CDH3: variants seen among roughly 807,000 people sequenced by gnomAD.
CDH3 encodes cadherin-3.
Under a neutral mutation model 82.0 loss-of-function variants are expected in CDH3, and 54 were observed. The observed-to-expected ratio is 0.66, with a 90% confidence interval of 0.53 to 0.83. The LOEUF (loss-of-function observed/expected upper bound fraction) is 0.83, where lower values mean the gene tolerates loss of function less well. Ranked by LOEUF, CDH3 falls within the 40% of genes least tolerant of loss-of-function variation. The pLI, the probability that CDH3 is intolerant of heterozygous loss-of-function variation, is 0.00. For missense variants in CDH3, 1,054 were observed against 1,084.6 expected, an observed-to-expected ratio of 0.97 and a Z score of 0.40; for synonymous variants, 446 against 437.9, an observed-to-expected ratio of 1.02 and a Z score of -0.23.
At chr16:68,731,945 T>G (rs951255434), downstream of CDH3, among the ~76,000 whole-genome samples, 4 of 152,238 alleles carry the variant, frequency 2.6e-5, no homozygotes, top group East Asian at 7.7e-4. Context: ...CTTTAAAAAT[T>G]GCAAAAAACT....
chr16:68,684,906 T>G (rs2152102758), intron 10 of CDH3, 82 bp downstream of exon 10: 3 of 1,534,702 alleles, frequency 2.0e-6, no homozygotes, highest in Non-Finnish European at 2.7e-6. Context: ...TTGTTCTGAT[T>G]ACCATAGAGA....
intron 1 of CDH3, among the ~76,000 whole-genome samples, chr16:68,708,101 G>T (rs1451899056): frequency 1.3e-5 from 2 of 152,116 alleles, no homozygotes; most frequent in Non-Finnish European, 1.5e-5. Context: ...GCCGAGGCGG[G>T]CCGGTCACTT....
rs755437024 is a variant in CDH3 at position 68,695,872 on chromosome 16, G to A, written c.2229G>A (p.Met743Ile). ...DVAPTIIPTP[M>I]YRPRPANPDE... ...CACCAACCATCATCCCGACACCCAT[G>A]TACCGTCCTCGGCCAGCCAACCCAG... The change falls in exon 15 of 16, where the codon ATG (methionine) becomes ATA (isoleucine). Residue 743 changes from methionine (M) to isoleucine (I), a missense_variant. Transcript: ENST00000264012. 1 of 1,614,158 alleles carries A rather than the reference G, an allele frequency of 6.2e-7. No individual in the cohort carries two copies. Among genetic ancestry groups the A allele is most frequent in the South Asian group, 1.1e-5 (1 of 91,072 alleles).
In CDH3 at chr16:68,695,769, C is replaced by T. The variant is rs1567457556; in HGVS notation, c.2134-8C>T. On this transcript the variant is annotated splice_polypyrimidine_tract_variant and splice_region_variant and intron_variant, in intron 14 of 15. Coordinates refer to ENST00000264012, the MANE Select transcript of CDH3 (RefSeq NM_001793.6). ...CTCAGTCACCTGCTCTCCTGCATTTCCCCACAGGACTATGACATCACCCAG... is the reference window on the plus strand; with the variant it reads ...CTCAGTCACCTGCTCTCCTGCATTTTCCCACAGGACTATGACATCACCCAG... 2 of 1,613,902 alleles carry T rather than the reference C, an allele frequency of 1.2e-6. No individual in the cohort carries two copies. The highest frequency in any genetic ancestry group is 1.7e-5 in the Admixed American group (1 of 59,994).
At chr16:68,659,967 A>G (rs1252149849) in intron 2 of CDH3, among the ~76,000 whole-genome samples, 1 of 152,220 alleles carries the variant, frequency 6.6e-6, no homozygotes, top group Admixed American at 6.5e-5. Context: ...TCTTGTTTTT[A>G]ATAGCGCCGT....
intron 2 of CDH3, among the ~76,000 whole-genome samples, chr16:68,647,007 T>G (rs1372911271): frequency 6.6e-6 from 1 of 151,736 alleles, no homozygotes; most frequent in East Asian, 1.9e-4. Context: ...TAACTGCAGA[T>G]TGACAAAACA....
At chr16:68,713,230 A>G (rs1385414221) in intron 1 of CDH3, among the ~76,000 whole-genome samples, 1 of 152,146 alleles carries the variant, frequency 6.6e-6, no homozygotes, top group Non-Finnish European at 1.5e-5. Flanking sequence ...AAGTCGCTTC[A>G]CTTTTATATG....
chr16:68,674,211 T>G (rs1960969719), intron 2 of CDH3, among the ~76,000 whole-genome samples: 1 of 152,184 alleles, frequency 6.6e-6, no homozygotes, highest in Non-Finnish European at 1.5e-5. Context: ...TTCTTTTTTT[T>G]CTTTTATAGC....
downstream of CDH3, among the ~76,000 whole-genome samples, chr16:68,730,659 A>G (rs558198026): frequency 6.6e-6 from 1 of 152,302 alleles, no homozygotes; most frequent in East Asian, 1.9e-4. Flanking sequence ...ATCATGTTTA[A>G]AAGATGTCTT....
chr16:68,665,922 A>T (rs1205674695), intron 2 of CDH3, among the ~76,000 whole-genome samples: 2 of 152,208 alleles, frequency 1.3e-5, no homozygotes, highest in Non-Finnish European at 2.9e-5. Context: ...AAAAACTCAC[A>T]TCAAATTCTG....
At chr16:68,648,100 T>A (rs1960129148) in intron 2 of CDH3, among the ~76,000 whole-genome samples, 1 of 152,206 alleles carries the variant, frequency 6.6e-6, no homozygotes, top group Admixed American at 6.5e-5. Flanking sequence ...TTAAACAAGC[T>A]GAGCTCTTAA....
rs1961817513 is a variant in CDH3 at position 68,698,532 on chromosome 16, A to G, written c.*132A>G. On this transcript the variant is annotated 3_prime_UTR_variant, in exon 16 of 16. Transcript: ENST00000264012. ...CGTAGCAACTTGGCGGAGACAGGCTATGAGTCTGACGTTAGAGTGGTGGCT... is the reference window on the plus strand; with the variant it reads ...CGTAGCAACTTGGCGGAGACAGGCTGTGAGTCTGACGTTAGAGTGGTGGCT... The G allele has an allele frequency of 3.9e-6, 3 of 767,402 alleles. No individual in the cohort carries two copies. Among genetic ancestry groups the G allele is most frequent in the African/African-American group, 1.7e-5 (1 of 58,014 alleles). 47.5% of individuals were successfully genotyped at this position (767,402 alleles called of 1,614,324 possible).
chr16:68,691,583 A>G lies in CDH3; in HGVS notation c.1796-137A>G, dbSNP rs2274240. On this transcript the variant is annotated intron_variant, in intron 12 of 15. Coordinates refer to ENST00000264012, the MANE Select transcript of CDH3 (RefSeq NM_001793.6). Reference sequence around the variant, plus strand: ...TAGCCAAAGATCAGCTTTTACTGCTATTTTCCAAAGTGTGCTTGTGGAGTA... The same window carrying G: ...TAGCCAAAGATCAGCTTTTACTGCTGTTTTCCAAAGTGTGCTTGTGGAGTA... 438,470 of 732,194 alleles carry G rather than the reference A, an allele frequency of 0.6. 132,173 individuals are homozygous for G. Among genetic ancestry groups the G allele is most frequent in the African/African-American group, 0.65 (37,817 of 57,972 alleles). 45.4% of individuals were successfully genotyped at this position (732,194 alleles called of 1,614,324 possible).
intron 2 of CDH3, among the ~76,000 whole-genome samples, chr16:68,654,276 A>G (rs1322624351): frequency 2.9e-5 from 4 of 138,954 alleles, no homozygotes; most frequent in East Asian, 2.3e-4. Context: ...AGCCAGGATG[A>G]TCTCGATCTT....
At chr16:68,697,348 T>C (rs1467525229) in intron 15 of CDH3, among the ~76,000 whole-genome samples, 1 of 151,920 alleles carries the variant, frequency 6.6e-6, no homozygotes, top group Admixed American at 6.6e-5. Flanking sequence ...TTAGGAATGA[T>C]TTATTCATTT....
At chr16:68,695,187 G>A in intron 13 of CDH3, 68 bp from the exon 14 acceptor site, 1 of 1,574,848 alleles carries the variant, frequency 6.3e-7, no homozygotes, top group South Asian at 1.1e-5. Flanking sequence ...GAGGGGCTCT[G>A]AGGGCCTGGG....
intron 2 of CDH3, among the ~76,000 whole-genome samples, chr16:68,663,785 AT>A (rs949223679): frequency 1.3e-4 from 19 of 151,482 alleles, no homozygotes; most frequent in African/African-American, 2.4e-4. Flanking sequence ...TATGCTAAGT[AT>A]TTTTTTTAAT....
intron 2 of CDH3, among the ~76,000 whole-genome samples, chr16:68,663,667 G>C (rs1028843014): frequency 8.5e-5 from 13 of 152,204 alleles, no homozygotes; most frequent in Admixed American, 2.0e-4. Context: ...GGTGGGGGTA[G>C]AGATGGAAGG....
rs796153913 is a variant in CDH3 at position 68,683,806 on chromosome 16, G to C, written c.1183-777G>C. Among the ~76,000 whole-genome samples, 6 of 151,782 alleles carry C rather than the reference G, an allele frequency of 4.0e-5. No individual in the cohort carries two copies. The South Asian group carries it at 1.2e-3, about 32-fold the overall frequency. On this transcript the variant is annotated intron_variant, in intron 9 of 15. Coordinates refer to ENST00000264012, the MANE Select transcript of CDH3 (RefSeq NM_001793.6). ...GCTGGGGCCGGGCACGATTGCTCAT[G>C]CCTGTAATCCTAGCACTTTGGGAGG...
Sources: allele counts gnomAD v4.1 joint callset (sites outside exome capture counted in the v4.1 genomes callset), GRCh38; gene constraint gnomAD v4.1.1; transcripts MANE v1.5; gene names NCBI Gene and HGNC (gene_info 2026-07-23, HGNC 2026-07-21).